Variants in NR3C2 observed in about 807,000 individuals in gnomAD.
The protein encoded by NR3C2 is mineralocorticoid receptor.
A neutral mutation model predicts 86.4 loss-of-function variants in NR3C2; 15 were observed. That is an observed-to-expected ratio of 0.17 (90% CI 0.12 to 0.27). NR3C2 has a LOEUF of 0.27. Among genes scored for constraint, NR3C2 ranks in the 10% least tolerant of loss-of-function variants. The probability of loss-of-function intolerance (pLI) is 1.00; values close to 1 mark genes in which losing one functional copy is unlikely to be tolerated. For synonymous variants in NR3C2, 458 were observed against 450.5 expected (o/e 1.02, Z -0.21); for missense variants, 960 against 1,195.6 (o/e 0.80, Z 2.91).
chr4:148,436,896 C>A, intron 1 of NR3C2, 34 bp from the exon 2 acceptor site: 1 of 1,499,728 alleles, frequency 6.7e-7, no homozygotes, highest in South Asian at 1.2e-5. Context: ...AAATTAGAGT[C>A]AGTTATAGCA....
intron 2 of NR3C2, among the ~76,000 whole-genome samples, chr4:148,391,862 A>T (rs1191390677): frequency 9.4e-6 from 1 of 106,114 alleles, no homozygotes; most frequent in Admixed American, 1.2e-4. Flanking sequence ...GCAAGACTCC[A>T]TTGCAAAAAA....
In NR3C2 at chr4:148,349,336, A is replaced by C. The variant is rs559568485; in HGVS notation, c.1757+85768T>G. The stretch of plus-strand genomic sequence containing the variant: ...GATCTTTTTATTTGGCTGACTCTCT[A>C]TTTTTTTTTTCTAGTTTCATTATGT... On this transcript the variant is annotated intron_variant, in intron 2 of 8. Coordinates refer to ENST00000358102, the MANE Select transcript of NR3C2 (RefSeq NM_000901.5). Among the ~76,000 whole-genome samples the C allele has an allele frequency of 2.0e-5, 3 of 148,780 alleles. No individual in the cohort carries two copies. The East Asian group carries it at 5.9e-4, about 29-fold the overall frequency.
At chr4:148,444,966 G>C, upstream of NR3C2, 1 of 984,946 alleles carries the variant, frequency 1.0e-6, no homozygotes, top group Non-Finnish European at 1.2e-6. Flanking sequence ...GGCCGAGCGC[G>C]TGTGTGAGGG....
intron 3 of NR3C2, among the ~76,000 whole-genome samples, chr4:148,215,710 G>A (rs973175980): frequency 6.6e-6 from 1 of 151,682 alleles, no homozygotes; most frequent in Non-Finnish European, 1.5e-5. Context: ...GTTAGGCTCT[G>A]AACACTGCAA....
Position 148,344,191 on chromosome 4 carries a change from A to T in NR3C2, c.1758-84074T>A, listed in dbSNP as rs1378241569. ...TAAAATAACATAAATGGCCATTTGC[A>T]GGTTTATATTTTCAGAAATATTAAT... On this transcript the variant is annotated intron_variant, in intron 2 of 8. Coordinates refer to ENST00000358102, the MANE Select transcript of NR3C2 (RefSeq NM_000901.5). Among the ~76,000 whole-genome samples, 8 of 152,288 alleles carry T rather than the reference A, an allele frequency of 5.3e-5. No homozygotes were observed. The South Asian group carries it at 1.4e-3, about 28-fold the overall frequency.
chr4:148,201,497 A>G (rs928452232), intron 3 of NR3C2, among the ~76,000 whole-genome samples: 1 of 152,252 alleles, frequency 6.6e-6, no homozygotes, highest in African/African-American at 2.4e-5. Flanking sequence ...TTTAACAAAT[A>G]AAAGAACTCA....
At position 148,079,567 on chromosome 4, in the gene NR3C2, C is replaced by T. The variant is rs1414703445; in HGVS notation, c.*1777G>A. On this transcript the variant is annotated 3_prime_UTR_variant, in exon 9 of 9. Transcript: ENST00000358102. ...CATTTTTAAAAGATTAATTTGGCCT[C>T]TATTCAAAGTAGTTTATTTAGTGCA... The T allele has an allele frequency of 6.6e-6, 1 of 152,544 alleles. No individual in the cohort carries two copies. The allele number at this position is 152,544 out of a possible 1,614,324, so 9.4% of individuals were successfully genotyped here. A position where few individuals can be genotyped will look rare whatever the true frequency, so the allele number is the denominator to read the frequency against.
At position 148,079,393 on chromosome 4, in the gene NR3C2, G is replaced by T. The variant is rs989425115; in HGVS notation, c.*1951C>A. 2.0e-5 allele frequency: 3 copies of T among 152,264 alleles called. No individual in the cohort carries two copies. Among genetic ancestry groups the T allele is most frequent in the African/African-American group, 7.2e-5 (3 of 41,452 alleles). 9.4% of individuals were successfully genotyped at this position (152,264 alleles called of 1,614,324 possible). On this transcript the variant is annotated 3_prime_UTR_variant, in exon 9 of 9. Transcript: ENST00000358102. ...AAGGCAGGTGTCTTTTGAAAGACAA[G>T]GTAATGTTGCCTGCATGGTGAACCC... is the stretch of plus-strand genomic sequence containing the variant.
chr4:148,207,422 G>C (rs916558593), intron 3 of NR3C2, among the ~76,000 whole-genome samples: 1 of 152,174 alleles, frequency 6.6e-6, no homozygotes, highest in Admixed American at 6.5e-5. Context: ...CAATTTCTAA[G>C]AAGGCTTTAA....
intron 2 of NR3C2, among the ~76,000 whole-genome samples, chr4:148,346,852 T>C (rs1332944936): frequency 6.6e-6 from 1 of 152,148 alleles, no homozygotes; most frequent in East Asian, 1.9e-4. Flanking sequence ...ATTCTATTTC[T>C]ATGGGGCAGC....
At chr4:148,444,705 G>A (rs1243991810), upstream of NR3C2, 2 of 985,200 alleles carry the variant, frequency 2.0e-6, no homozygotes, top group African/African-American at 3.5e-5. Context: ...CAATAGTGCT[G>A]TTACCCTACA....
intron 2 of NR3C2, among the ~76,000 whole-genome samples, chr4:148,331,251 TTCTTA>T (rs1164964832): frequency 6.6e-6 from 1 of 151,254 alleles, no homozygotes; most frequent in Non-Finnish European, 1.5e-5. Flanking sequence ...TGACATTTTC[TTCTTA>T]TAAGAAAAAA....
intron 1 of NR3C2, among the ~76,000 whole-genome samples, chr4:148,439,034 G>A (rs554198590): frequency 9.2e-5 from 14 of 152,272 alleles, no homozygotes; most frequent in African/African-American, 3.4e-4. Context: ...CAAAGGTTGA[G>A]GTAGTTATCT....
intron 8 of NR3C2, among the ~76,000 whole-genome samples, chr4:148,113,091 C>T (rs1350449358): frequency 6.6e-6 from 1 of 152,178 alleles, no homozygotes; most frequent in Non-Finnish European, 1.5e-5. Context: ...TTTTAAATGA[C>T]ATACAAAGCA....
intron 8 of NR3C2, among the ~76,000 whole-genome samples, chr4:148,097,885 C>T (rs994118748): frequency 6.6e-6 from 1 of 151,440 alleles, no homozygotes; most frequent in Admixed American, 6.6e-5. Flanking sequence ...AGATGTTTTT[C>T]AGACCCTGAA....
intron 2 of NR3C2, among the ~76,000 whole-genome samples, chr4:148,347,400 A>G (rs1484246281): frequency 6.6e-6 from 1 of 152,080 alleles, no homozygotes; most frequent in Admixed American, 6.6e-5. Flanking sequence ...GAAAAAGTGA[A>G]TACTCTATCT....
At chr4:148,258,055 T>C (rs1364132514) in intron 3 of NR3C2, among the ~76,000 whole-genome samples, 3 of 152,190 alleles carry the variant, frequency 2.0e-5, no homozygotes, top group Non-Finnish European at 4.4e-5. Context: ...CAAGAACTTC[T>C]AGAAACCTTT....
At chr4:148,086,463 G>A (rs569513372) in intron 8 of NR3C2, among the ~76,000 whole-genome samples, 8 of 152,266 alleles carry the variant, frequency 5.3e-5, no homozygotes, top group East Asian at 3.9e-4. Flanking sequence ...AGCTGGGCGC[G>A]GTGGCTCACG....
chr4:148,343,071 A>G (rs1315391590), intron 2 of NR3C2, among the ~76,000 whole-genome samples: 1 of 152,190 alleles, frequency 6.6e-6, no homozygotes, highest in Non-Finnish European at 1.5e-5. Flanking sequence ...ATCTGACTCC[A>G]CAATAATTAT....
Sources: allele counts gnomAD v4.1 joint callset (sites outside exome capture counted in the v4.1 genomes callset), GRCh38; gene constraint gnomAD v4.1.1; transcripts MANE v1.5; gene names NCBI Gene and HGNC (gene_info 2026-07-23, HGNC 2026-07-21).